Variants in PITPNC1 observed in about 807,000 individuals in gnomAD.
The protein encoded by PITPNC1 is cytoplasmic phosphatidylinositol transfer protein 1.
Under a neutral mutation model 44.7 loss-of-function variants are expected in PITPNC1, and 18 were observed. The ratio of observed to expected loss-of-function variants is 0.40; its 90% CI spans 0.28 to 0.60. PITPNC1 has a LOEUF of 0.60. Among genes scored for constraint, PITPNC1 ranks in the 20% least tolerant of loss-of-function variants. PITPNC1 has a pLI of 0.39. For synonymous variants in PITPNC1, 141 were observed against 149.6 expected, an observed-to-expected ratio of 0.94 and a Z score of 0.42; for missense variants, 290 against 418.4, an observed-to-expected ratio of 0.69 and a Z score of 2.68.
At chr17:67,588,554 G>C (rs191894448) in intron 5 of PITPNC1, among the ~76,000 whole-genome samples, 1 of 151,972 alleles carries the variant, frequency 6.6e-6, no homozygotes, top group Admixed American at 6.6e-5. Context: ...TATGCTACAC[G>C]CCTGTTAGTT....
At position 67,508,938 on chromosome 17, in the gene PITPNC1, T is replaced by A. The variant is rs114179813; in HGVS notation, c.49-23864T>A. 4.8e-3 allele frequency among the ~76,000 whole-genome samples: 734 copies of A among 152,220 alleles called. 4 individuals carry two copies. Among genetic ancestry groups the A allele is most frequent in the African/African-American group, 0.017 (712 of 41,532 alleles). The stretch of plus-strand genomic sequence containing the variant: ...ATGTTATGTATGTTTTACCATAATT[T>A]AAAAATAAAAACAGGCCGGGCTTGG... On this transcript the variant is annotated intron_variant, in intron 1 of 8. Transcript: ENST00000581322. The surrounding 1 kb of genome is among the most constrained non-coding windows in gnomAD (Gnocchi z 4.2).
chr17:67,424,583 G>A (rs2038717771), intron 1 of PITPNC1, among the ~76,000 whole-genome samples: 1 of 151,994 alleles, frequency 6.6e-6, no homozygotes, highest in African/African-American at 2.4e-5. Flanking sequence ...CCTGAACCTG[G>A]GAGGCGAAGG....
At position 67,532,610 on chromosome 17, in the gene PITPNC1, C is replaced by T. The variant is rs115713626; in HGVS notation, c.49-192C>T. ...ATGTAAAATATTCACGGGAACACGC[C>T]GTCTCGATGTTCTACTCACAACTGG... On this transcript the variant is annotated intron_variant, in intron 1 of 8. Coordinates refer to ENST00000581322, the MANE Select transcript of PITPNC1 (RefSeq NM_012417.4). Among the ~76,000 whole-genome samples, 313 of 152,190 alleles carry T rather than the reference C, an allele frequency of 2.1e-3. 1 individual carries two copies. Among genetic ancestry groups the T allele is most frequent in the African/African-American group, 6.9e-3 (287 of 41,498 alleles).
chr17:67,536,424 A>G (rs2040529624), intron 2 of PITPNC1, among the ~76,000 whole-genome samples: 1 of 152,108 alleles, frequency 6.6e-6, no homozygotes, highest in African/African-American at 2.4e-5. Context: ...ACAGAGTTTC[A>G]CCATGTTGGC....
At chr17:67,625,241 G>A (rs920731687) in intron 5 of PITPNC1, among the ~76,000 whole-genome samples, 6 of 152,114 alleles carry the variant, frequency 3.9e-5, no homozygotes, top group Admixed American at 1.3e-4. Context: ...AAGTGCCTCC[G>A]TGACCTCCCA....
intron 4 of PITPNC1, among the ~76,000 whole-genome samples, chr17:67,558,693 G>C (rs894211534): frequency 6.6e-6 from 1 of 152,150 alleles, no homozygotes; most frequent in Non-Finnish European, 1.5e-5. Context: ...ATCCACAAAA[G>C]AGGAGAAATG....
chr17:67,618,049 T>A (rs998215059), intron 5 of PITPNC1, among the ~76,000 whole-genome samples: 22 of 152,232 alleles, frequency 1.4e-4, no homozygotes, highest in African/African-American at 4.8e-4. Context: ...GTCCTACTCC[T>A]GACTATTGAC....
intron 1 of PITPNC1, among the ~76,000 whole-genome samples, chr17:67,402,949 G>C (rs551079460): frequency 1.3e-5 from 2 of 152,176 alleles, no homozygotes; most frequent in Non-Finnish European, 2.9e-5. Flanking sequence ...TTACAGGCGT[G>C]AGCCACCGCG....
intron 1 of PITPNC1, among the ~76,000 whole-genome samples, chr17:67,470,156 C>T (rs1311268467): frequency 2.0e-5 from 3 of 152,036 alleles, no homozygotes; most frequent in Non-Finnish European, 4.4e-5. Flanking sequence ...CTCCTGACCT[C>T]GAGTGATCTG....
At chr17:67,419,529 T>C (rs1179538535) in intron 1 of PITPNC1, among the ~76,000 whole-genome samples, 2 of 152,118 alleles carry the variant, frequency 1.3e-5, no homozygotes, top group Non-Finnish European at 2.9e-5. Flanking sequence ...AGTTTTGACC[T>C]TAAGTAGGGT....
At chr17:67,430,100 T>G (rs1345111627) in intron 1 of PITPNC1, among the ~76,000 whole-genome samples, 2 of 152,256 alleles carry the variant, frequency 1.3e-5, no homozygotes, top group African/African-American at 4.8e-5. Flanking sequence ...CTCAGAGGTA[T>G]AGCAATAAGG....
chr17:67,446,400 ATTC>A lies in PITPNC1; in HGVS notation c.48+68203_48+68205del, dbSNP rs979393879. On this transcript the variant is annotated intron_variant, in intron 1 of 8. Coordinates refer to ENST00000581322, the MANE Select transcript of PITPNC1 (RefSeq NM_012417.4). ...TCCTTTCTGCCTAAAGAAGGAAGAA[ATTC>A]TTCTGTTTTCAGAAAAAAAAAAAGG... Among the ~76,000 whole-genome samples, 67 of 151,670 alleles carry A rather than the reference ATTC, an allele frequency of 4.4e-4. 1 individual carries two copies. The highest frequency in any genetic ancestry group is 3.4e-3 in the Middle Eastern group (1 of 294).
intron 4 of PITPNC1, among the ~76,000 whole-genome samples, chr17:67,565,132 A>C (rs919611857): frequency 7.0e-6 from 1 of 142,992 alleles, no homozygotes; most frequent in African/African-American, 2.6e-5. Context: ...GTTTTTCCAT[A>C]TTTTTCAGTG....
intron 1 of PITPNC1, among the ~76,000 whole-genome samples, chr17:67,405,108 A>T (rs1235874113): frequency 6.6e-6 from 1 of 152,240 alleles, no homozygotes; most frequent in East Asian, 1.9e-4. Context: ...TTAGCCAGGC[A>T]TGATGGCGCA....
chr17:67,581,530 A>C (rs2041233715), intron 5 of PITPNC1, among the ~76,000 whole-genome samples: 1 of 152,066 alleles, frequency 6.6e-6, no homozygotes, highest in Non-Finnish European at 1.5e-5. Context: ...AGAGGCCCTA[A>C]ATGTGTTTTT....
intron 5 of PITPNC1, among the ~76,000 whole-genome samples, chr17:67,596,228 C>T (rs1484362352): frequency 1.3e-5 from 2 of 152,144 alleles, no homozygotes; most frequent in Non-Finnish European, 1.5e-5. Context: ...AACTTAATTT[C>T]GATCTATGGG....
chr17:67,496,014 T>C (rs1342973591), intron 1 of PITPNC1, among the ~76,000 whole-genome samples: 3 of 152,220 alleles, frequency 2.0e-5, no homozygotes, highest in African/African-American at 7.2e-5. Flanking sequence ...TTTTGACTCT[T>C]TATGCTTATA....
chr17:67,573,268 GA>G (rs1041367104), intron 4 of PITPNC1, among the ~76,000 whole-genome samples: 6 of 151,990 alleles, frequency 3.9e-5, no homozygotes, highest in Non-Finnish European at 4.4e-5. Flanking sequence ...TGCCAAAAAA[GA>G]AAAAAATCAT....
chr17:67,438,090 AAAG>A (rs1302942375), intron 1 of PITPNC1, among the ~76,000 whole-genome samples: 4 of 152,042 alleles, frequency 2.6e-5, no homozygotes, highest in East Asian at 1.9e-4. Flanking sequence ...AAAGAAAAAA[AAAG>A]AAGAGAAAAG....
Sources: gnomAD v4.1 joint callset for allele counts (sites outside exome capture counted in the v4.1 genomes callset) on GRCh38, gnomAD v4.1.1 for gene constraint, Gnocchi (gnomAD v3.1) non-coding constraint, MANE v1.5 for transcripts, NCBI Gene and HGNC (gene_info 2026-07-23, HGNC 2026-07-21) for gene names.